Variants in ART3 observed in about 807,000 individuals in gnomAD.
ART3 encodes the protein ADP-ribosyltransferase 3 (inactive).
A neutral mutation model predicts 48.5 loss-of-function variants in ART3; 49 were observed. That is an observed-to-expected ratio of 1.01 (90% CI 0.80 to 1.28). The LOEUF is 1.28. Ranked by LOEUF, ART3 falls within the 50% of genes most tolerant of loss-of-function variation. The pLI, the probability that ART3 is intolerant of heterozygous loss-of-function variation, is 0.00. For synonymous variants in ART3, 145 were observed against 157.2 expected (o/e 0.92, Z 0.58); for missense variants, 438 against 454.3 (o/e 0.96, Z 0.33).
intron 2 of ART3, among the ~76,000 whole-genome samples, chr4:76,076,764 C>T (rs1272105856): frequency 6.6e-6 from 1 of 151,908 alleles, no homozygotes; most frequent in Non-Finnish European, 1.5e-5. Flanking sequence ...TCTGGCAGAA[C>T]TTTTATGATT....
chr4:76,074,242 GT>G (rs925615996), upstream of ART3, among the ~76,000 whole-genome samples: 1 of 152,102 alleles, frequency 6.6e-6, no homozygotes, highest in African/African-American at 2.4e-5. Context: ...GCGTATTCAT[GT>G]TTTTTATTAG....
intron 2 of ART3, among the ~76,000 whole-genome samples, chr4:76,079,785 G>T (rs750706188): frequency 6.6e-6 from 1 of 152,072 alleles, no homozygotes; most frequent in Non-Finnish European, 1.5e-5. Context: ...ATGTTTGTTC[G>T]TGAGGGAGAG....
At chr4:76,095,824 T>G (rs961455751) in intron 3 of ART3, among the ~76,000 whole-genome samples, 2 of 152,172 alleles carry the variant, frequency 1.3e-5, no homozygotes, top group African/African-American at 4.8e-5. Context: ...TCAACTTACA[T>G]CTGTAGCTTT....
At chr4:76,032,238 AGG>A (rs1733934748) in intron 1 of ART3, among the ~76,000 whole-genome samples, 1 of 147,234 alleles carries the variant, frequency 6.8e-6, no homozygotes, top group African/African-American at 2.5e-5. Context: ...TTTTTGAGGC[AGG>A]CTTTTGCCCA....
rs1296478946 is a variant in ART3, at chr4:76,075,958, G to C, written c.69G>C (p.Gln23His). 5 of 1,609,492 alleles carry C rather than the reference G, an allele frequency of 3.1e-6. No individual in the cohort carries two copies. Among genetic ancestry groups the C allele is most frequent in the Non-Finnish European group, 4.2e-6 (5 of 1,177,408 alleles). ...LATMILVDIF[Q>H]VKAEVLDMAD... is the part of the protein sequence containing the mutation. ...CCATGATTCTAGTGGACATTTTCCAGGTAATGTTGGGAATGGGAAGCATGT... is the reference window on the plus strand; with the variant it reads ...CCATGATTCTAGTGGACATTTTCCACGTAATGTTGGGAATGGGAAGCATGT... The change falls in exon 2 of 12, where the codon CAG becomes CAC. Residue 23 changes from glutamine (Q) to histidine (H), a missense_variant and splice_region_variant. Around this residue, in one of 3 missense-constraint regions of ART3, gnomAD observed 206 missense variants for 205.3 expected, o/e 1.00. Transcript: ENST00000355810.
At chr4:76,063,438 T>G (rs1719424403) in intron 1 of ART3, among the ~76,000 whole-genome samples, 1 of 152,196 alleles carries the variant, frequency 6.6e-6, no homozygotes, top group Admixed American at 6.5e-5. Context: ...TATACCATTT[T>G]AAGCTGGGAG....
At chr4:76,049,461 G>A (rs558456974) in intron 1 of ART3, among the ~76,000 whole-genome samples, 21 of 151,702 alleles carry the variant, frequency 1.4e-4, no homozygotes, top group African/African-American at 4.1e-4. Flanking sequence ...GTCGACCCTC[G>A]GCTCAGCCCA....
chr4:76,020,714 T>C (rs530837070), intron 1 of ART3, among the ~76,000 whole-genome samples: 1 of 152,188 alleles, frequency 6.6e-6, no homozygotes, highest in South Asian at 2.1e-4. Flanking sequence ...TAGGGCTGGA[T>C]GTGGTGGCTT....
chr4:76,086,203 G>A (rs1723541907), intron 3 of ART3, among the ~76,000 whole-genome samples: 1 of 151,974 alleles, frequency 6.6e-6, no homozygotes, highest in Non-Finnish European at 1.5e-5. Flanking sequence ...ATTATTCACG[G>A]TAACCAAGAT....
intron 1 of ART3, among the ~76,000 whole-genome samples, chr4:76,011,754 T>C (rs1731816977): frequency 6.6e-6 from 1 of 152,346 alleles, no homozygotes; most frequent in African/African-American, 2.4e-5. Flanking sequence ...CCCGCCCCTC[T>C]GAGCAGGCTG....
chr4:76,082,656 C>T (rs1380230825), intron 3 of ART3, 121 bp downstream of exon 3: 2 of 727,790 alleles, frequency 2.7e-6, no homozygotes, highest in East Asian at 5.3e-5. Flanking sequence ...TTCCGTCTAG[C>T]TTCTTTCATA....
intron 1 of ART3, among the ~76,000 whole-genome samples, chr4:76,060,793 G>A (rs4527509): frequency 0.12 from 18,540 of 152,186 alleles, 1,636 homozygotes; most frequent in East Asian, 0.39. Context: ...TGGAGAAAGT[G>A]GACCACAAAC....
At chr4:76,108,655 T>C (rs1240458636) in intron 11 of ART3, among the ~76,000 whole-genome samples, 1 of 114,392 alleles carries the variant, frequency 8.7e-6, no homozygotes, top group Non-Finnish European at 1.6e-5. Context: ...CATACAGTCA[T>C]GCATTGCTTA....
chr4:76,099,090 C>A, intron 5 of ART3, 103 bp downstream of exon 5: 7 of 1,083,750 alleles, frequency 6.5e-6, no homozygotes, highest in Non-Finnish European at 9.7e-6. Context: ...TCACTTGAGC[C>A]CAGGAGTTTG....
upstream of ART3, among the ~76,000 whole-genome samples, chr4:76,071,713 T>G (rs1720335400): frequency 6.6e-6 from 1 of 152,212 alleles, no homozygotes; most frequent in African/African-American, 2.4e-5. Flanking sequence ...TTTTCTTCAC[T>G]TGAGTTCCAG....
chr4:76,051,135 A>C (rs200341378), intron 1 of ART3, among the ~76,000 whole-genome samples: 4 of 134,092 alleles, frequency 3.0e-5, no homozygotes, highest in Non-Finnish European at 6.6e-5. Context: ...GGGCTCCTCA[A>C]GTGCCGCCAA....
chr4:76,072,063 T>A (rs1720372433), upstream of ART3, among the ~76,000 whole-genome samples: 3 of 152,162 alleles, frequency 2.0e-5, no homozygotes, highest in Non-Finnish European at 4.4e-5. Flanking sequence ...ACTACCGACA[T>A]GTGCCACTGC....
chr4:76,021,857 G>A, intron 1 of ART3: 2 of 1,355,946 alleles, frequency 1.5e-6, no homozygotes, highest in Admixed American at 3.4e-5. Context: ...TCCATGTAGG[G>A]AAGTGATGGG....
intron 1 of ART3, among the ~76,000 whole-genome samples, chr4:76,016,123 A>G (rs1732234905): frequency 6.6e-6 from 1 of 152,198 alleles, no homozygotes. Flanking sequence ...TTCACTGGAT[A>G]TGCTATTCTA....
Sources: gnomAD v4.1 joint callset for allele counts (sites outside exome capture counted in the v4.1 genomes callset) on GRCh38, gnomAD v4.1.1 for gene constraint, gnomAD v4.1.1 regional missense constraint, MANE v1.5 for transcripts, NCBI Gene and HGNC (gene_info 2026-07-23, HGNC 2026-07-21) for gene names.